The following INTS7 variants were observed in gnomAD, a reference collection of about 807,000 sequenced individuals.
INTS7 encodes chromosome 1 open reading frame 73.
Under a neutral mutation model 109.2 loss-of-function variants are expected in INTS7, and 46 were observed. The ratio of observed to expected loss-of-function variants is 0.42; its 90% confidence interval spans 0.33 to 0.54. INTS7 has a LOEUF of 0.54. INTS7 is among the 20% of genes least tolerant of loss of function. INTS7 has a pLI of 0.07. For synonymous variants in INTS7, 412 were observed against 402.9 expected (o/e 1.02, Z -0.27); for missense variants, 929 against 1,132.4 (o/e 0.82, Z 2.58).
Position 211,972,130 on chromosome 1 carries a change from A to G in INTS7, c.1815+3036T>C, listed in dbSNP as rs951310658. On this transcript the variant is annotated intron_variant, in intron 13 of 19. Coordinates refer to ENST00000366994, the MANE Select transcript of INTS7 (RefSeq NM_015434.4). ...GACCCAGGGTATTATTCACAAGCAT[A>G]TAAGAATTTTAAAAGGTAATGGTAA... Among the ~76,000 whole-genome samples, 8 of 152,246 alleles carry G rather than the reference A, an allele frequency of 5.3e-5. No homozygotes were observed. The East Asian group carries it at 1.2e-3, about 22-fold the overall frequency.
intron 8 of INTS7, among the ~76,000 whole-genome samples, chr1:211,987,020 G>A (rs1015649678): frequency 1.3e-5 from 2 of 152,150 alleles, no homozygotes; most frequent in African/African-American, 4.8e-5. Context: ...AACCAGCCTG[G>A]GCACAGTGGC....
At chr1:211,992,479 C>T (rs924954848) in intron 7 of INTS7, among the ~76,000 whole-genome samples, 9 of 152,116 alleles carry the variant, frequency 5.9e-5, no homozygotes, top group Non-Finnish European at 1.0e-4. Context: ...AATAAATATT[C>T]GTTTAAGCCT....
At chr1:211,952,425 T>C in intron 17 of INTS7, 144 bp downstream of exon 17, 1 of 690,110 alleles carries the variant, frequency 1.4e-6, no homozygotes, top group South Asian at 2.0e-5. Context: ...ACTACAATGC[T>C]GTGAGGTAGG....
intron 16 of INTS7, among the ~76,000 whole-genome samples, chr1:211,958,206 G>A (rs947139367): frequency 6.6e-6 from 1 of 151,932 alleles, no homozygotes; most frequent in Admixed American, 6.6e-5. Context: ...ATCTGCTGAT[G>A]GCAAAATTTA....
At chr1:211,949,230 TTTCATAGGCAA>T (rs1489095386) in intron 17 of INTS7, among the ~76,000 whole-genome samples, 1 of 152,224 alleles carries the variant, frequency 6.6e-6, no homozygotes, top group African/African-American at 2.4e-5. Context: ...AATCCATGTT[TTTCATAGGCAA>T]TTCTCCCCAC....
rs781776620 is a variant in INTS7 at position 211,975,263 on chromosome 1, T to C, written c.1718A>G (p.Gln573Arg). The change falls in exon 13 of 20, where the codon CAG becomes CGG. Residue 573 changes from glutamine (Q) to arginine (R), a missense_variant. Coordinates refer to ENST00000366994, the MANE Select transcript of INTS7 (RefSeq NM_015434.4). The stretch of plus-strand genomic sequence containing the variant: ...TTCCTCTTGCAACCCAGTGAGACAC[T>C]GTTCTGCATGTGAAAACTCCTTCAA... ...NSLKEFSHAE[Q>R]CLTGLQEENY... The C allele has an allele frequency of 1.5e-5, 25 of 1,613,744 alleles. No individual in the cohort carries two copies. In the South Asian group the frequency reaches 2.5e-4, roughly 16 times the overall value.
Position 211,942,202 on chromosome 1 carries a change from AC to A in INTS7, c.2602-92del. 7.4e-7 allele frequency: 1 copy of A among 1,359,272 alleles called. No homozygotes were observed. Among genetic ancestry groups the A allele is most frequent in the African/African-American group, 1.5e-5 (1 of 68,932 alleles). 84.2% of individuals were successfully genotyped at this position (1,359,272 alleles called of 1,614,324 possible). A position where few individuals can be genotyped will look rare whatever the true frequency, so the allele number is the denominator to read the frequency against. ...GGCCCTGTTCTAAGAGCTTATTTAG[AC>A]CATGCAGACAATAAAAAATTAGGTA... On this transcript the variant is annotated intron_variant, in intron 19 of 19. Transcript: ENST00000366994. The surrounding 1 kb of genome is among the most constrained non-coding windows in gnomAD (Gnocchi z 4.2).
chr1:211,972,404 C>CA (rs1664221251), intron 13 of INTS7, among the ~76,000 whole-genome samples: 2 of 152,154 alleles, frequency 1.3e-5, no homozygotes, highest in South Asian at 4.1e-4. Flanking sequence ...TGAAATGCTC[C>CA]AAAATCTGAA....
chr1:212,011,186 TG>T (rs1359087986), intron 5 of INTS7, among the ~76,000 whole-genome samples, 188 bp downstream of exon 5: 3 of 152,108 alleles, frequency 2.0e-5, no homozygotes, highest in Non-Finnish European at 4.4e-5. Flanking sequence ...GTAGGTTAGA[TG>T]GGGGTAAGGA....
intron 7 of INTS7, among the ~76,000 whole-genome samples, chr1:211,991,495 AC>A (rs1431121140): frequency 1.3e-5 from 2 of 152,252 alleles, no homozygotes; most frequent in Non-Finnish European, 2.9e-5. Context: ...AGATGAGAGA[AC>A]AGTAGGCGGG....
intron 3 of INTS7, among the ~76,000 whole-genome samples, chr1:212,017,866 T>C (rs890729828): frequency 2.0e-5 from 3 of 152,218 alleles, no homozygotes; most frequent in Non-Finnish European, 4.4e-5. Context: ...ATACTGTTAG[T>C]AGCAAGAAAC....
At chr1:211,982,614 C>A (rs2358387) in intron 9 of INTS7, 62 bp downstream of exon 9, 1 of 1,339,218 alleles carries the variant, frequency 7.5e-7, no homozygotes, top group Non-Finnish European at 1.0e-6. Context: ...AAAAATCAAA[C>A]AGAATTCTGT....
intron 7 of INTS7, among the ~76,000 whole-genome samples, chr1:211,999,970 T>C (rs1665587431): frequency 6.6e-6 from 1 of 151,956 alleles, no homozygotes; most frequent in Non-Finnish European, 1.5e-5. Context: ...CCAAGCAGGG[T>C]GGCTCATGCC....
intron 7 of INTS7, among the ~76,000 whole-genome samples, chr1:211,997,878 CAA>C (rs112560573): frequency 8.5e-5 from 7 of 82,226 alleles, no homozygotes; most frequent in African/African-American, 8.5e-5. Context: ...AACTCCAACT[CAA>C]AAAAAAAAAA....
At position 211,968,712 on chromosome 1, in the gene INTS7, G is replaced by GA. The variant is rs11322485; in HGVS notation, c.1816-6dup. The GA allele has an allele frequency of 0.023, 30,759 of 1,358,394 alleles. No individual in the cohort carries two copies. The highest frequency in any genetic ancestry group is 0.034 in the East Asian group (1,377 of 40,094). 84.1% of individuals were successfully genotyped at this position (1,358,394 alleles called of 1,614,324 possible). ...ATTCAGTGGTGTACTAGCTGCCTGG[G>GA]AAAAAAAAAAAAAAGAGATATTTAA... On this transcript the variant is annotated splice_polypyrimidine_tract_variant and splice_region_variant and intron_variant, in intron 13 of 19. Coordinates refer to ENST00000366994, the MANE Select transcript of INTS7 (RefSeq NM_015434.4).
intron 7 of INTS7, among the ~76,000 whole-genome samples, chr1:212,002,874 T>C (rs1461019489): frequency 6.6e-6 from 1 of 152,118 alleles, no homozygotes; most frequent in Non-Finnish European, 1.5e-5. Flanking sequence ...TCTCCAAGAA[T>C]AATGACTAGT....
At chr1:211,950,514 C>T (rs145486301) in intron 17 of INTS7, among the ~76,000 whole-genome samples, 16 of 152,266 alleles carry the variant, frequency 1.1e-4, no homozygotes, top group East Asian at 5.8e-4. Context: ...TCAGGTGATC[C>T]GCCCACCTTG....
rs759385868 is a variant in INTS7, at chr1:211,952,544, G to T, written c.2316+25C>A. On this transcript the variant is annotated intron_variant, in intron 17 of 19. Coordinates refer to ENST00000366994, the MANE Select transcript of INTS7 (RefSeq NM_015434.4). ...AAAAACCCACATCCATACAATAAAAGCTCAATAAAACAAATGCCACTTGCC... is the reference window on the plus strand; with the variant it reads ...AAAAACCCACATCCATACAATAAAATCTCAATAAAACAAATGCCACTTGCC... The T allele has an allele frequency of 5.0e-6, 8 of 1,607,044 alleles. No individual in the cohort carries two copies. The Admixed American group carries it at 1.2e-4, about 24-fold the overall frequency.
chr1:211,960,431 C>G (rs1663566921), intron 16 of INTS7, among the ~76,000 whole-genome samples: 1 of 152,088 alleles, frequency 6.6e-6, no homozygotes, highest in African/African-American at 2.4e-5. Context: ...CACTAACTCT[C>G]CAGCAAGCGT....
Sources: gnomAD v4.1 joint callset for allele counts (sites outside exome capture counted in the v4.1 genomes callset) on GRCh38, gnomAD v4.1.1 for gene constraint, Gnocchi (gnomAD v3.1) non-coding constraint, MANE v1.5 for transcripts, NCBI Gene and HGNC (gene_info 2026-07-23, HGNC 2026-07-21) for gene names.